Variants in CELSR1 observed in about 807,000 individuals in gnomAD.
The protein encoded by CELSR1 is cadherin EGF LAG seven-pass G-type receptor 1, also known as adhesion G protein-coupled receptor C1.
In CELSR1, 110 loss-of-function variants were observed where a neutral mutation model predicts 249.1. The ratio of observed to expected loss-of-function variants is 0.44; its 90% CI spans 0.38 to 0.52. The LOEUF is 0.52. CELSR1 is among the 20% of genes least tolerant of loss of function. The pLI, the probability that CELSR1 is intolerant of heterozygous loss-of-function variation, is 0.00. For synonymous variants in CELSR1, 2,113 were observed against 1,900.0 expected (o/e 1.11, Z -2.92); for missense variants, 4,109 against 4,296.4 (o/e 0.96, Z 1.22).
At chr22:46,385,962 C>A (rs113603729) in intron 19 of CELSR1, among the ~76,000 whole-genome samples, 4,856 of 145,436 alleles carry the variant, frequency 0.033, 322 homozygotes, top group African/African-American at 0.12. Context: ...CAGGCGTGAG[C>A]CACCGCGCCC....
At chr22:46,375,234 C>A (rs893473637) in intron 24 of CELSR1, among the ~76,000 whole-genome samples, 2 of 152,202 alleles carry the variant, frequency 1.3e-5, no homozygotes, top group Non-Finnish European at 2.9e-5. Flanking sequence ...CCGTCTCCAC[C>A]CACGAGTTGG....
chr22:46,414,545 TC>T (rs1432506789), intron 5 of CELSR1, among the ~76,000 whole-genome samples: 10 of 149,068 alleles, frequency 6.7e-5, no homozygotes, highest in Admixed American at 1.3e-4. Context: ...CCGTCCACTC[TC>T]CCGCCTCTCG....
chr22:46,364,224 G>T lies in CELSR1; in HGVS notation c.8807C>A (p.Pro2936Gln). 2 of 1,610,278 alleles carry T rather than the reference G, an allele frequency of 1.2e-6. No individual in the cohort carries two copies. The highest frequency in any genetic ancestry group is 1.7e-6 in the Non-Finnish European group (2 of 1,179,666). ...CTGCTCCGTCAGCGTCAGCGGCGGC[G>T]GGTAGGTGACTTTATTTTTCAAGAT... ...KGILKNKVTYPPPLTLTEQTL... is the reference protein window; with the variant it reads ...KGILKNKVTYQPPLTLTEQTL... The change falls in exon 34 of 35, where the codon CCG becomes CAG. Residue 2936 changes from proline to glutamine, a missense_variant. This residue lies in a region of CELSR1 where 1,805 missense variants were observed against 1,831.6 expected (regional missense o/e 0.99). Coordinates refer to ENST00000674500, the MANE Select transcript of CELSR1 (RefSeq NM_001378328.1).
intron 18 of CELSR1, among the ~76,000 whole-genome samples, chr22:46,387,042 G>C (rs1569124774): frequency 2.0e-5 from 3 of 152,098 alleles, no homozygotes; most frequent in Admixed American, 1.3e-4. Flanking sequence ...ACAGGCGTGA[G>C]CCACCACGCC....
intron 33 of CELSR1, 46 bp downstream of exon 33, chr22:46,364,466 T>G (rs1454027223): frequency 1.3e-6 from 2 of 1,574,526 alleles, no homozygotes; most frequent in Middle Eastern, 2.3e-4. Context: ...GACTGGCCCT[T>G]CTGGGTCCTC....
At position 46,437,579 on chromosome 22, in the gene CELSR1, C is replaced by T. The variant is rs548785995; in HGVS notation, c.4407-1290G>A. Among the ~76,000 whole-genome samples, 21 of 152,152 alleles carry T rather than the reference C, an allele frequency of 1.4e-4. 1 individual carries two copies. Among genetic ancestry groups the T allele is most frequent in the South Asian group, 1.0e-3 (5 of 4,812 alleles). On this transcript the variant is annotated intron_variant, in intron 3 of 34. Coordinates refer to ENST00000674500, the MANE Select transcript of CELSR1 (RefSeq NM_001378328.1). The surrounding 1 kb of genome is among the most constrained non-coding windows in gnomAD (Gnocchi z 4.9). Reference sequence around the variant, plus strand: ...CAGCCTGGCCAACATGGTGAAACCCCGTCTCTACTAAAAATACGAAAATTA... The same window carrying T: ...CAGCCTGGCCAACATGGTGAAACCCTGTCTCTACTAAAAATACGAAAATTA...
In CELSR1 at chr22:46,527,950, C is replaced by G. The variant is rs2080754574; in HGVS notation, c.3544+5677G>C. Among the ~76,000 whole-genome samples the G allele has an allele frequency of 6.6e-6, 1 of 152,108 alleles. No homozygotes were observed. The highest frequency in any genetic ancestry group is 1.5e-5 in the Non-Finnish European group (1 of 68,030). On this transcript the variant is annotated intron_variant, in intron 1 of 34. Coordinates refer to ENST00000674500, the MANE Select transcript of CELSR1 (RefSeq NM_001378328.1). The surrounding 1 kb of genome is among the most constrained non-coding windows in gnomAD (Gnocchi z 5.5). The stretch of plus-strand genomic sequence containing the variant: ...ATCTCTACAAAAATACAAAAATTAG[C>G]CAGGCATGATGGCGGGTACCTATAA...
Position 46,521,615 on chromosome 22 carries a change from G to A in CELSR1, c.3544+12012C>T, listed in dbSNP as rs534992626. On this transcript the variant is annotated intron_variant, in intron 1 of 34. Coordinates refer to ENST00000674500, the MANE Select transcript of CELSR1 (RefSeq NM_001378328.1). Reference sequence around the variant, plus strand: ...GCGGATCATCTGAGGTCAGGAATTCGAGACCATCCTGGCCAACATGGAGAA... The same window carrying A: ...GCGGATCATCTGAGGTCAGGAATTCAAGACCATCCTGGCCAACATGGAGAA... Among the ~76,000 whole-genome samples the A allele has an allele frequency of 2.0e-5, 3 of 152,124 alleles. No individual in the cohort carries two copies. In the South Asian group the frequency reaches 6.2e-4, roughly 32 times the overall value.
In CELSR1 at chr22:46,366,418, G is replaced by T; in HGVS notation, c.8268C>A (p.Gly2756=). The change falls in exon 30 of 35, where the codon GGC becomes GGA. Residue 2756 remains glycine (G), a synonymous_variant. Coordinates refer to ENST00000674500, the MANE Select transcript of CELSR1 (RefSeq NM_001378328.1). ...DGPDMLRTDL[G]ESTASLDSIV... ...TGCTGTCCAGCGAGGCGGTGGACTC[G>T]CCCAAGTCTGTGCGCAGCATGTCAG... 6.5e-7 allele frequency: 1 copy of T among 1,549,990 alleles called. No individual in the cohort carries two copies. Among genetic ancestry groups the T allele is most frequent in the Non-Finnish European group, 8.7e-7 (1 of 1,146,632 alleles).
chr22:46,438,073 C>T (rs542684534), intron 3 of CELSR1, among the ~76,000 whole-genome samples: 88 of 152,114 alleles, frequency 5.8e-4, no homozygotes, highest in African/African-American at 1.9e-3. Context: ...GGCAAGCACA[C>T]GTACACCGCT....
rs113173642 is a variant in CELSR1 at position 46,377,824 on chromosome 22, C to A, written c.7384-563G>T. Among the ~76,000 whole-genome samples, 1,210 of 152,378 alleles carry A rather than the reference C, an allele frequency of 7.9e-3. 12 individuals are homozygous for A. Among genetic ancestry groups the A allele is most frequent in the Non-Finnish European group, 0.012 (833 of 68,028 alleles). On this transcript the variant is annotated intron_variant, in intron 23 of 34. Coordinates refer to ENST00000674500, the MANE Select transcript of CELSR1 (RefSeq NM_001378328.1). ...CCAGCCCCGCCTGAGGGCTGACTCA[C>A]CCTTCCAAGAATGTGACAGAAACCA...
chr22:46,521,156 T>C (rs1185718624), intron 1 of CELSR1, among the ~76,000 whole-genome samples: 1 of 152,224 alleles, frequency 6.6e-6, no homozygotes, highest in Non-Finnish European at 1.5e-5. Context: ...TTCCACCTTT[T>C]GGTTACTGTG....
chr22:46,466,212 G>T (rs2080094718), intron 1 of CELSR1, among the ~76,000 whole-genome samples: 1 of 152,228 alleles, frequency 6.6e-6, no homozygotes, highest in Non-Finnish European at 1.5e-5. Context: ...AAAGGACATG[G>T]TGGGAGACGG....
chr22:46,398,443 C>T lies in CELSR1; in HGVS notation c.5526+81G>A, dbSNP rs193287574. 1.4e-4 allele frequency: 130 copies of T among 958,872 alleles called. No homozygotes were observed. In the African/African-American group the frequency reaches 1.5e-3, roughly 11 times the overall value. The allele number at this position is 958,872 out of a possible 1,614,324, so 59.4% of individuals were successfully genotyped here. A position where few individuals can be genotyped will look rare whatever the true frequency, so the allele number is the denominator to read the frequency against. Reference sequence around the variant, plus strand: ...CGTTGAAAGCTAACAGGTTGACCAACGGAACCACCTATGGTGCTGCCAGCC... The same window carrying T: ...CGTTGAAAGCTAACAGGTTGACCAATGGAACCACCTATGGTGCTGCCAGCC... On this transcript the variant is annotated intron_variant, in intron 11 of 34. Transcript: ENST00000674500. This position sits in a 1 kb window ranked among gnomAD's most constrained non-coding sequence, Gnocchi z 7.2.
chr22:46,499,964 C>T (rs1019752603), intron 1 of CELSR1, among the ~76,000 whole-genome samples: 14 of 152,138 alleles, frequency 9.2e-5, no homozygotes, highest in East Asian at 3.9e-4. Flanking sequence ...ACCCAGCGGC[C>T]GCCCCCACCA....
intron 23 of CELSR1, 172 bp from the exon 24 acceptor site, chr22:46,377,433 C>T (rs1046557032): frequency 1.3e-5 from 9 of 688,926 alleles, no homozygotes; most frequent in Middle Eastern, 4.0e-4. Flanking sequence ...AACTGCCCCT[C>T]CTGAGGCTCC....
At chr22:46,369,475 G>A (rs962178550) in intron 26 of CELSR1, among the ~76,000 whole-genome samples, 6 of 152,330 alleles carry the variant, frequency 3.9e-5, no homozygotes, top group South Asian at 4.1e-4. Context: ...GGTGCTGGAC[G>A]CAGATGGTCT....
rs1196633730 is a variant in CELSR1, at chr22:46,471,827, C to CTGCA, written c.3545-7486_3545-7483dup. Among the ~76,000 whole-genome samples, 1 of 152,226 alleles carries CTGCA rather than the reference C, an allele frequency of 6.6e-6. No individual in the cohort carries two copies. Among genetic ancestry groups the CTGCA allele is most frequent in the Non-Finnish European group, 1.5e-5 (1 of 68,042 alleles). On this transcript the variant is annotated intron_variant, in intron 1 of 34. Transcript: ENST00000674500. This position sits in a 1 kb window ranked among gnomAD's most constrained non-coding sequence, Gnocchi z 4.9. ...GGACCCCACACCACACTCAGCTCCCCTGCACCGTGGTGGCTTCCAGCCTTC... is the reference window on the plus strand; with the variant it reads ...GGACCCCACACCACACTCAGCTCCCCTGCATGCACCGTGGTGGCTTCCAGCCTTC...
At chr22:46,522,955 G>A (rs1050467221) in intron 1 of CELSR1, among the ~76,000 whole-genome samples, 4 of 152,248 alleles carry the variant, frequency 2.6e-5, no homozygotes, top group African/African-American at 9.6e-5. Flanking sequence ...CACATCAAAG[G>A]ACAGCCCCTG....
Sources: allele counts gnomAD v4.1 joint callset (sites outside exome capture counted in the v4.1 genomes callset), GRCh38; gene constraint gnomAD v4.1.1; regional missense constraint gnomAD v4.1.1; non-coding constraint Gnocchi (gnomAD v3.1); transcripts MANE v1.5; gene names NCBI Gene and HGNC (gene_info 2026-07-23, HGNC 2026-07-21).